Variants in PTPRM observed in about 807,000 individuals in gnomAD.
PTPRM encodes receptor-type tyrosine-protein phosphatase mu.
In PTPRM, 47 loss-of-function variants were observed where a neutral mutation model predicts 186.7. The observed-to-expected ratio is 0.25, with a 90% confidence interval of 0.20 to 0.32. The LOEUF is 0.32. Among genes scored for constraint, PTPRM ranks in the 10% least tolerant of loss-of-function variants. The pLI is 1.00. For synonymous variants in PTPRM, 668 were observed against 674.9 expected (o/e 0.99, Z 0.16); for missense variants, 1,494 against 1,865.0 (o/e 0.80, Z 3.66).
At chr18:8,214,416 A>G (rs924910677) in intron 14 of PTPRM, among the ~76,000 whole-genome samples, 4 of 152,208 alleles carry the variant, frequency 2.6e-5, no homozygotes, top group African/African-American at 9.7e-5. Flanking sequence ...AATTTGAGCA[A>G]TGGTGTTTCC....
chr18:8,101,139 G>A (rs1286641072), intron 11 of PTPRM, among the ~76,000 whole-genome samples: 1 of 152,184 alleles, frequency 6.6e-6, no homozygotes, highest in Non-Finnish European at 1.5e-5. Context: ...GGGAGTAAAA[G>A]TGCAATGTTG....
chr18:8,335,717 G>T (rs1314043863), intron 22 of PTPRM, among the ~76,000 whole-genome samples: 1 of 152,156 alleles, frequency 6.6e-6, no homozygotes, highest in African/African-American at 2.4e-5. Context: ...AAGCATTCTG[G>T]TTCCATTTAA....
chr18:7,645,464 A>G (rs2038539131), intron 1 of PTPRM, among the ~76,000 whole-genome samples: 1 of 152,190 alleles, frequency 6.6e-6, no homozygotes, highest in South Asian at 2.1e-4. Flanking sequence ...CTTCCTAATC[A>G]TTAAAAAATA....
In PTPRM at chr18:7,957,045, G is replaced by A. The variant is rs537293437; in HGVS notation, c.1132+1631G>A. On this transcript the variant is annotated intron_variant, in intron 7 of 32. Transcript: ENST00000580170. The stretch of plus-strand genomic sequence containing the variant: ...GTTAAGAATTCCTGTTTTGGGCATG[G>A]CAATATATGGTTTCTCTCTCTCTCC... 9.2e-5 allele frequency among the ~76,000 whole-genome samples: 14 copies of A among 152,200 alleles called. No homozygotes were observed. The South Asian group carries it at 2.9e-3, about 32-fold the overall frequency.
In PTPRM at chr18:8,378,280, A is replaced by G. The variant is rs150536364; in HGVS notation, c.3478A>G (p.Ile1160Val). 1.2e-6 allele frequency: 2 copies of G among 1,612,010 alleles called. No individual in the cohort carries two copies. Among genetic ancestry groups the G allele is most frequent in the Non-Finnish European group, 8.5e-7 (1 of 1,178,088 alleles). Residue 1160 changes from isoleucine (I) to valine (V), a missense_variant, in exon 27 of 33, where the codon ATC becomes GTC. This residue lies in a region of PTPRM where 1,107 missense variants were observed against 1,350.2 expected (regional missense o/e 0.82). Transcript: ENST00000580170. Reference sequence around the variant, plus strand: ...CCTTCTCCAGGAGCAGTATGTGTTTATCCACGATGCGATCCTGGAAGCCTG... The same window carrying G: ...CCTTCTCCAGGAGCAGTATGTGTTTGTCCACGATGCGATCCTGGAAGCCTG... ...MVQTEEQYVF[I>V]HDAILEACLC...
Position 8,009,889 on chromosome 18 carries a change from C to T in PTPRM, c.1132+54475C>T, listed in dbSNP as rs543412674. Among the ~76,000 whole-genome samples, 8 of 151,936 alleles carry T rather than the reference C, an allele frequency of 5.3e-5. 1 individual carries two copies. The South Asian group carries it at 1.7e-3, about 32-fold the overall frequency. ...AGAACTCGAGATAATAAACTATTTC[C>T]CTCTTTTTTTCCTGAGTTTCTTTTT... On this transcript the variant is annotated intron_variant, in intron 7 of 32. Transcript: ENST00000580170.
intron 11 of PTPRM, among the ~76,000 whole-genome samples, chr18:8,099,110 C>T (rs1291078074): frequency 6.6e-6 from 1 of 151,786 alleles, no homozygotes; most frequent in Non-Finnish European, 1.5e-5. Flanking sequence ...CCTGCCTGCA[C>T]ACACACACAC....
At chr18:7,896,298 C>T (rs1030803779) in intron 3 of PTPRM, among the ~76,000 whole-genome samples, 5 of 152,100 alleles carry the variant, frequency 3.3e-5, no homozygotes, top group Admixed American at 1.3e-4. Flanking sequence ...TGCTTTGATT[C>T]TGCACCCCCG....
At chr18:7,988,174 G>A (rs1476852690) in intron 7 of PTPRM, among the ~76,000 whole-genome samples, 1 of 152,046 alleles carries the variant, frequency 6.6e-6, no homozygotes, top group Non-Finnish European at 1.5e-5. Flanking sequence ...GACAGACCTA[G>A]GGGATCTGTT....
At chr18:7,800,430 G>T (rs1218249069) in intron 2 of PTPRM, among the ~76,000 whole-genome samples, 14 of 152,176 alleles carry the variant, frequency 9.2e-5, no homozygotes, top group African/African-American at 3.1e-4. Context: ...AAAGGGAGTG[G>T]CTGAGGGCAA....
intron 2 of PTPRM, among the ~76,000 whole-genome samples, chr18:7,780,317 T>C (rs1435355680): frequency 2.6e-5 from 4 of 152,214 alleles, no homozygotes; most frequent in African/African-American, 4.8e-5. Context: ...AGGAATACTT[T>C]ACCCAGGCAT....
chr18:7,702,260 C>T (rs1159614617), intron 1 of PTPRM, among the ~76,000 whole-genome samples: 2 of 152,062 alleles, frequency 1.3e-5, no homozygotes, highest in African/African-American at 2.4e-5. Flanking sequence ...CTTGAGGAAT[C>T]GCCACACTGT....
At chr18:8,109,728 C>T (rs2091675661) in intron 11 of PTPRM, among the ~76,000 whole-genome samples, 1 of 152,196 alleles carries the variant, frequency 6.6e-6, no homozygotes, top group South Asian at 2.1e-4. Flanking sequence ...GTGCCTGACA[C>T]CTATTAGGCA....
chr18:7,856,208 T>G (rs2047086781), intron 2 of PTPRM, among the ~76,000 whole-genome samples: 1 of 152,176 alleles, frequency 6.6e-6, no homozygotes, highest in Non-Finnish European at 1.5e-5. Context: ...TGTTCTTATC[T>G]TTGCTTGCTT....
At position 8,229,119 on chromosome 18, in the gene PTPRM, A is replaced by T. The variant is rs576595427; in HGVS notation, c.2301-14939A>T. Among the ~76,000 whole-genome samples the T allele has an allele frequency of 1.6e-4, 25 of 152,088 alleles. 1 individual carries two copies. In the South Asian group the frequency reaches 4.8e-3, roughly 29 times the overall value. On this transcript the variant is annotated intron_variant, in intron 14 of 32. Coordinates refer to ENST00000580170, the MANE Select transcript of PTPRM (RefSeq NM_001105244.2). ...TTATGTTTATCATATATTTTTTATG[A>T]TCAGGAAGTAAGGTATTAAGATTAA... is the stretch of plus-strand genomic sequence containing the variant.
At chr18:7,669,465 A>G (rs1387013080) in intron 1 of PTPRM, among the ~76,000 whole-genome samples, 1 of 152,196 alleles carries the variant, frequency 6.6e-6, no homozygotes, top group Admixed American at 6.5e-5. Flanking sequence ...CTAGAGCAGC[A>G]TTGATTGCCA....
chr18:7,681,259 A>T (rs758019123), intron 1 of PTPRM, among the ~76,000 whole-genome samples: 26 of 152,296 alleles, frequency 1.7e-4, no homozygotes, highest in Admixed American at 4.6e-4. Flanking sequence ...GTTATGCATT[A>T]TCTCATTTAA....
At position 8,291,233 on chromosome 18, in the gene PTPRM, A is replaced by T. The variant is rs1290370309; in HGVS notation, c.2755-5135A>T. Among the ~76,000 whole-genome samples, 5 of 152,278 alleles carry T rather than the reference A, an allele frequency of 3.3e-5. No homozygotes were observed. In the East Asian group the frequency reaches 9.6e-4, roughly 29 times the overall value. ...CTGAACATAATTCTGACAAGGGAAG[A>T]CTCTGAGGTGAGAGTTAGAGGAGGA... On this transcript the variant is annotated intron_variant, in intron 19 of 32. Coordinates refer to ENST00000580170, the MANE Select transcript of PTPRM (RefSeq NM_001105244.2).
chr18:7,891,564 A>T (rs1020957046), intron 3 of PTPRM, among the ~76,000 whole-genome samples: 1 of 152,104 alleles, frequency 6.6e-6, no homozygotes, highest in Non-Finnish European at 1.5e-5. Flanking sequence ...TGCGTTTCAT[A>T]GGGTTAAAAA....
Sources: gnomAD v4.1 joint callset for allele counts (sites outside exome capture counted in the v4.1 genomes callset) on GRCh38, gnomAD v4.1.1 for gene constraint, gnomAD v4.1.1 regional missense constraint, MANE v1.5 for transcripts, NCBI Gene and HGNC (gene_info 2026-07-23, HGNC 2026-07-21) for gene names.